RTKN2: variants seen among roughly 807,000 people sequenced by gnomAD.
RTKN2 encodes rhotekin-2.
A neutral mutation model predicts 71.5 loss-of-function variants in RTKN2; 69 were observed. The observed-to-expected ratio is 0.96, with a 90% confidence interval of 0.79 to 1.18. The LOEUF (loss-of-function observed/expected upper bound fraction) is 1.18. Ranked by LOEUF, RTKN2 falls within the 50% of genes most tolerant of loss-of-function variation. The pLI is 0.00. For missense variants in RTKN2, 724 were observed against 719.7 expected, an observed-to-expected ratio of 1.01 and a Z score of -0.07; for synonymous variants, 236 against 236.5, an observed-to-expected ratio of 1.00 and a Z score of 0.02.
chr10:62,204,969 G>T lies in RTKN2; in HGVS notation c.1074C>A (p.Phe358Leu), dbSNP rs764484690. ...GTCCAGGAACAGGATTGATGACAGAGAAATTATGGATTCTTTTCTTGGCAT... is the reference window on the plus strand; with the variant it reads ...GTCCAGGAACAGGATTGATGACAGATAAATTATGGATTCTTTTCTTGGCAT... ...DKDAKKRIHN[F>L]SVINPVPGQA... Residue 358 changes from phenylalanine to leucine, a missense_variant, in exon 10 of 12, where the codon TTC (phenylalanine) becomes TTA (leucine). Phe to Leu is a conservative substitution (Grantham distance 22). Transcript: ENST00000373789. 2.5e-5 allele frequency: 40 copies of T among 1,599,778 alleles called. No homozygotes were observed. Among genetic ancestry groups the T allele is most frequent in the Non-Finnish European group, 3.4e-5 (40 of 1,175,384 alleles).
intron 2 of RTKN2, among the ~76,000 whole-genome samples, chr10:62,260,903 G>T (rs1842760608): frequency 6.6e-6 from 1 of 152,078 alleles, no homozygotes; most frequent in South Asian, 2.1e-4. Context: ...CATTGAAACT[G>T]CCCCTCTTGA....
In RTKN2 at chr10:62,197,656, C is replaced by T; in HGVS notation, c.*252G>A. On this transcript the variant is annotated 3_prime_UTR_variant, in exon 12 of 12. Coordinates refer to ENST00000373789, the MANE Select transcript of RTKN2 (RefSeq NM_145307.4). The stretch of plus-strand genomic sequence containing the variant: ...GTACTAATTCAGGAATAAATTAACC[C>T]TTCCAACAATTAGGATATTGTCTAG... 7.8e-7 allele frequency: 1 copy of T among 1,275,670 alleles called. No individual in the cohort carries two copies. Among genetic ancestry groups the T allele is most frequent in the Non-Finnish European group, 9.9e-7 (1 of 1,011,510 alleles). 79.0% of individuals were successfully genotyped at this position (1,275,670 alleles called of 1,614,324 possible).
chr10:62,215,486 A>G lies in RTKN2; in HGVS notation c.1020+1632T>C, dbSNP rs77941977. ...AGACACTAAATAAAAATTAGAAATG[A>G]TATTTTGGGGACAATTAGAGCAATT... On this transcript the variant is annotated intron_variant, in intron 9 of 11. Coordinates refer to ENST00000373789, the MANE Select transcript of RTKN2 (RefSeq NM_145307.4). Among the ~76,000 whole-genome samples, 598 of 152,154 alleles carry G rather than the reference A, an allele frequency of 3.9e-3. 1 individual carries two copies. The highest frequency in any genetic ancestry group is 0.013 in the African/African-American group (538 of 41,558).
chr10:62,229,537 T>A (rs1345147146), intron 6 of RTKN2, among the ~76,000 whole-genome samples: 1 of 152,176 alleles, frequency 6.6e-6, no homozygotes. Flanking sequence ...GGGTTTTATT[T>A]TTAGGACTGA....
intron 1 of RTKN2, among the ~76,000 whole-genome samples, chr10:62,268,337 C>T (rs560733193): frequency 2.6e-5 from 4 of 152,380 alleles, no homozygotes; most frequent in African/African-American, 7.2e-5. Context: ...CTTCCCAATC[C>T]GGACCTCAGC....
chr10:62,201,710 T>C (rs1841446038), intron 10 of RTKN2, among the ~76,000 whole-genome samples: 1 of 152,180 alleles, frequency 6.6e-6, no homozygotes, highest in African/African-American at 2.4e-5. Flanking sequence ...ATTGTTAAAC[T>C]AGTAGCAGAA....
At chr10:62,222,920 T>C (rs1396249773) in intron 7 of RTKN2, among the ~76,000 whole-genome samples, 5 of 152,236 alleles carry the variant, frequency 3.3e-5, no homozygotes, top group Non-Finnish European at 5.9e-5. Context: ...GCTGGCTTCC[T>C]TGATTTCAAA....
rs1272937573 is a variant in RTKN2 at position 62,197,085 on chromosome 10, T to C, written c.*823A>G. The C allele has an allele frequency of 2.0e-6, 2 of 979,334 alleles. No individual in the cohort carries two copies. Among genetic ancestry groups the C allele is most frequent in the Non-Finnish European group, 2.4e-6 (2 of 824,508 alleles). 60.7% of individuals were successfully genotyped at this position (979,334 alleles called of 1,614,324 possible). ...TTTTCTGATATTTTTGAATCTCTCA[T>C]CTTCTTTTTAAATAAGTATTAAATG... On this transcript the variant is annotated 3_prime_UTR_variant, in exon 12 of 12. Coordinates refer to ENST00000373789, the MANE Select transcript of RTKN2 (RefSeq NM_145307.4).
Position 62,198,131 on chromosome 10 carries a change from G to C in RTKN2, c.1607C>G (p.Ser536Cys). Residue 536 changes from serine to cysteine, a missense_variant, in exon 12 of 12, where the codon TCT becomes TGT. By Grantham distance (112) the Ser-to-Cys change is moderately radical. Transcript: ENST00000373789. ...VKDNWGKTSVSQTSSLDTKLS... is the reference protein window; with the variant it reads ...VKDNWGKTSVCQTSSLDTKLS... Reference sequence around the variant, plus strand: ...TTTGGTATCCAAAGACGATGTCTGAGATACACTTGTTTTTCCCCAGTTGTC... The same window carrying C: ...TTTGGTATCCAAAGACGATGTCTGACATACACTTGTTTTTCCCCAGTTGTC... 1 of 1,614,192 alleles carries C rather than the reference G, an allele frequency of 6.2e-7. No individual in the cohort carries two copies. Among genetic ancestry groups the C allele is most frequent in the Non-Finnish European group, 8.5e-7 (1 of 1,180,012 alleles).
At chr10:62,228,174 AAGTT>A (rs1411576806) in intron 6 of RTKN2, among the ~76,000 whole-genome samples, 14 of 152,158 alleles carry the variant, frequency 9.2e-5, no homozygotes, top group Non-Finnish European at 1.8e-4. Context: ...AATTTAATGA[AAGTT>A]AGTTAGGTGA....
intron 9 of RTKN2, among the ~76,000 whole-genome samples, chr10:62,215,296 TG>T (rs1246670865): frequency 6.6e-6 from 1 of 152,008 alleles, no homozygotes; most frequent in African/African-American, 2.4e-5. Context: ...CATATAGATT[TG>T]GAGAGATTCT....
chr10:62,266,778 G>A (rs906496477), intron 1 of RTKN2, among the ~76,000 whole-genome samples: 2 of 152,324 alleles, frequency 1.3e-5, no homozygotes, highest in African/African-American at 4.8e-5. Context: ...CTTTAGAGAG[G>A]TTCTCCAATT....
chr10:62,204,208 T>A (rs545277742), intron 10 of RTKN2, among the ~76,000 whole-genome samples: 1 of 152,202 alleles, frequency 6.6e-6, no homozygotes, highest in African/African-American at 2.4e-5. Flanking sequence ...GTTTGACTTA[T>A]TGTCAGTAAA....
rs531358681 is a variant in RTKN2, at chr10:62,201,814, C to T, written c.1187-1953G>A. On this transcript the variant is annotated intron_variant, in intron 10 of 11. Coordinates refer to ENST00000373789, the MANE Select transcript of RTKN2 (RefSeq NM_145307.4). The stretch of plus-strand genomic sequence containing the variant: ...AACGTGTTCATGGGTCAAGACTTTA[C>T]GACTGAAACATTTATTTTGCCAGCA... Among the ~76,000 whole-genome samples the T allele has an allele frequency of 2.6e-4, 40 of 152,146 alleles. No individual in the cohort carries two copies. The South Asian group carries it at 6.0e-3, about 23-fold the overall frequency.
In RTKN2 at chr10:62,184,393, A is replaced by C. The variant is rs1242498676; in HGVS notation, c.862-6T>G. 4 of 1,520,252 alleles carry C rather than the reference A, an allele frequency of 2.6e-6. No individual in the cohort carries two copies. In the African/African-American group the frequency reaches 5.5e-5, roughly 21 times the overall value. The allele number at this position is 1,520,252 out of a possible 1,614,324, so 94.2% of individuals were successfully genotyped here. ...TGTAGTTGATTACTATTATTCTGAAAAACAAAAAAAATCACCTTTAGTCAC... is the reference window on the plus strand; with the variant it reads ...TGTAGTTGATTACTATTATTCTGAACAACAAAAAAAATCACCTTTAGTCAC... On this transcript the variant is annotated splice_region_variant and splice_polypyrimidine_tract_variant and intron_variant, in intron 8 of 8. Transcript: ENST00000315289.
At chr10:62,229,250 C>T (rs964542826) in intron 6 of RTKN2, among the ~76,000 whole-genome samples, 24 of 152,152 alleles carry the variant, frequency 1.6e-4, no homozygotes, top group Admixed American at 7.2e-4. Context: ...AAGGGAAGAA[C>T]CTGGAAATGT....
chr10:62,267,070 G>A (rs937788935), intron 1 of RTKN2, among the ~76,000 whole-genome samples: 1 of 152,154 alleles, frequency 6.6e-6, no homozygotes, highest in African/African-American at 2.4e-5. Flanking sequence ...TAAAAATTCA[G>A]TGTTAGTCAA....
intron 2 of RTKN2, 115 bp from the exon 3 acceptor site, chr10:62,246,172 G>T: frequency 1.6e-6 from 1 of 634,296 alleles, no homozygotes. Context: ...GAATAATAAT[G>T]ACTTCCAGTT....
rs1175068797 is a variant in RTKN2, at chr10:62,235,679, T to TGC, written c.686+386_686+387insGC. ...TATATGTATAAGGTGTGTGTGTGTG[T>TGC]GTGTGTGTGTATACATGTATGTATA... On this transcript the variant is annotated intron_variant, in intron 6 of 11. Transcript: ENST00000373789. Among the ~76,000 whole-genome samples, 13 of 77,806 alleles carry TGC rather than the reference T, an allele frequency of 1.7e-4. 1 individual carries two copies. The highest frequency in any genetic ancestry group is 6.0e-3 in the Middle Eastern group (1 of 168). The allele number at this position is 77,806 out of a possible 152,430, so 51.0% of individuals were successfully genotyped here.
Sources: gnomAD v4.1 joint callset for allele counts (sites outside exome capture counted in the v4.1 genomes callset) on GRCh38, gnomAD v4.1.1 for gene constraint, MANE v1.5 for transcripts, NCBI Gene and HGNC (gene_info 2026-07-23, HGNC 2026-07-21) for gene names.